Variants in GOT1L1 observed in about 807,000 individuals in gnomAD.
GOT1L1 encodes the protein aspartate aminotransferase, cytoplasmic 2.
In GOT1L1, 38 loss-of-function variants were observed where a neutral mutation model predicts 43.6. The observed-to-expected ratio is 0.87, with a 90% CI of 0.67 to 1.14. The LOEUF (loss-of-function observed/expected upper bound fraction) is 1.14. Among genes scored for constraint, GOT1L1 ranks in the 50% most tolerant of loss-of-function variants. GOT1L1 has a pLI of 0.00. For missense variants in GOT1L1, 482 were observed against 504.0 expected (o/e 0.96, Z 0.42); for synonymous variants, 183 against 187.2 (o/e 0.98, Z 0.18).
intron 1 of GOT1L1, 36 bp from the exon 2 acceptor site, chr8:37,938,917 T>C: frequency 1.2e-6 from 2 of 1,603,938 alleles, no homozygotes; most frequent in South Asian, 2.2e-5. Flanking sequence ...TCCAGATGCC[T>C]GGTTTGGGCC....
intron 1 of GOT1L1, among the ~76,000 whole-genome samples, chr8:37,939,635 A>G (rs1807872909): frequency 6.6e-6 from 1 of 151,680 alleles, no homozygotes; most frequent in South Asian, 2.1e-4. Flanking sequence ...AAGAATCTGA[A>G]GAAGTGTGGG....
chr8:37,939,878 AC>A, intron 1 of GOT1L1, 36 bp downstream of exon 1: 1 of 1,591,638 alleles, frequency 6.3e-7, no homozygotes, highest in Non-Finnish European at 8.6e-7. Flanking sequence ...AGTTACCATC[AC>A]TTAAGTCTTA....
At chr8:37,939,740 A>G (rs1212587286) in intron 1 of GOT1L1, among the ~76,000 whole-genome samples, 175 bp downstream of exon 1, 1 of 151,988 alleles carries the variant, frequency 6.6e-6, no homozygotes, top group African/African-American at 2.4e-5. Flanking sequence ...AGAGCATGGA[A>G]TGACCTGGGA....
Position 37,938,766 on chromosome 8 carries a change from T to A in GOT1L1, c.231A>T (p.Lys77Asn), listed in dbSNP as rs756619859. The A allele has an allele frequency of 1.2e-6, 2 of 1,610,840 alleles. No individual in the cohort carries two copies. The highest frequency in any genetic ancestry group is 4.5e-5 in the East Asian group (2 of 44,808). Residue 77 changes from lysine (K) to asparagine (N), a missense_variant, in exon 2 of 9, where the codon AAA becomes AAT. Lys to Asn is a moderately conservative substitution (Grantham distance 94). Transcript: ENST00000307599. ...NYEYLPTMGLKSFIQASLALL... is the reference protein window; with the variant it reads ...NYEYLPTMGLNSFIQASLALL... Reference sequence around the variant, plus strand: ...GTGCTAGAGAGGCCTGGATGAATGATTTCAGGCCCATGGTGGGCAAGTACT... The same window carrying A: ...GTGCTAGAGAGGCCTGGATGAATGAATTCAGGCCCATGGTGGGCAAGTACT...
intron 6 of GOT1L1, among the ~76,000 whole-genome samples, chr8:37,936,396 C>A (rs1271632573): frequency 6.6e-6 from 1 of 151,948 alleles, no homozygotes; most frequent in Non-Finnish European, 1.5e-5. Context: ...GATCACCTAA[C>A]CTTGACCTCC....
Position 37,937,638 on chromosome 8 carries a change from C to A in GOT1L1, c.409G>T (p.Glu137Ter), listed in dbSNP as rs751947593. ...RIVYIISSQKELHGLVFQDMG... is the reference protein window; with the variant it reads ...RIVYIISSQK ...TCCCCTCATCTTGGGTAAGACTAAC[C>A]TTTTTGAGAAGAGATGATGTAAACT... The change falls in exon 3 of 9, where the codon GAA becomes TAA. Residue 137 changes from glutamate to a stop codon, truncating the protein, a stop_gained and splice_region_variant. Transcript: ENST00000307599. LOFTEE classifies it high-confidence loss of function. The A allele has an allele frequency of 1.2e-6, 2 of 1,600,064 alleles. No homozygotes were observed. Among genetic ancestry groups the A allele is most frequent in the Non-Finnish European group, 8.5e-7 (1 of 1,170,618 alleles).
chr8:37,938,605 G>A, intron 2 of GOT1L1, 95 bp downstream of exon 2: 3 of 1,091,566 alleles, frequency 2.7e-6, no homozygotes, highest in African/African-American at 3.2e-5. Context: ...CAATACCAGG[G>A]GGCCCTCCGA....
chr8:37,937,389 G>A lies in GOT1L1; in HGVS notation c.410-3C>T, dbSNP rs773349377. On this transcript the variant is annotated splice_polypyrimidine_tract_variant and splice_region_variant and intron_variant, in intron 3 of 8. Coordinates refer to ENST00000307599, the MANE Select transcript of GOT1L1 (RefSeq NM_152413.3). ...CTGGAAGACGAGTCCATGCAGTTCT[G>A]TGGGAACACAGCCCCCCACTAGCTG... The A allele has an allele frequency of 6.4e-5, 100 of 1,570,234 alleles. 1 individual carries two copies. Among genetic ancestry groups the A allele is most frequent in the Admixed American group, 9.0e-5 (5 of 55,376 alleles).
At chr8:37,939,150 C>T (rs1045600233) in intron 1 of GOT1L1, among the ~76,000 whole-genome samples, 1 of 152,024 alleles carries the variant, frequency 6.6e-6, no homozygotes, top group Admixed American at 6.6e-5. Flanking sequence ...ATTGGTGGCT[C>T]AGGCCTGTAA....
rs770877517 is a variant in GOT1L1, at chr8:37,937,665, T to C, written c.382A>G (p.Ile128Val). The C allele has an allele frequency of 1.2e-6, 2 of 1,612,008 alleles. No individual in the cohort carries two copies. The highest frequency in any genetic ancestry group is 8.5e-7 in the Non-Finnish European group (1 of 1,178,924). The change falls in exon 3 of 9, where the codon ATA becomes GTA. Residue 128 changes from isoleucine (I) to valine (V), a missense_variant. Physicochemically the swap from Ile to Val is conservative, Grantham distance 29. Coordinates refer to ENST00000307599, the MANE Select transcript of GOT1L1 (RefSeq NM_152413.3). ...FLRAWHKDAR[I>V]VYIISSQKEL... ...TTTTGAGAAGAGATGATGTAAACTATACGAGCATCCTTATGCCAAGCTCTG... is the reference window on the plus strand; with the variant it reads ...TTTTGAGAAGAGATGATGTAAACTACACGAGCATCCTTATGCCAAGCTCTG...
At position 37,935,975 on chromosome 8, in the gene GOT1L1, A is replaced by C. The variant is rs1323177980; in HGVS notation, c.764-106T>G. On this transcript the variant is annotated intron_variant, in intron 6 of 8. Transcript: ENST00000307599. ...TTGCAGAAGAAAGGGTTGAACCACA[A>C]GGCCCTCATTGCAGCCCAGCCAGGG... 43 of 1,300,410 alleles carry C rather than the reference A, an allele frequency of 3.3e-5. No homozygotes were observed. In the East Asian group the frequency reaches 1.0e-3, roughly 32 times the overall value. The allele number at this position is 1,300,410 out of a possible 1,614,324, so 80.6% of individuals were successfully genotyped here.
rs568888757 is a variant in GOT1L1, at chr8:37,937,263, C to T, written c.519+14G>A. ...TCAGCTCTAGGGAGGAGTTTCTGAG[C>T]GGGGCCCCTCTACCTCCACCACATT... On this transcript the variant is annotated intron_variant, in intron 4 of 8. Coordinates refer to ENST00000307599, the MANE Select transcript of GOT1L1 (RefSeq NM_152413.3). 30 of 1,540,840 alleles carry T rather than the reference C, an allele frequency of 1.9e-5. No homozygotes were observed. The highest frequency in any genetic ancestry group is 9.8e-5 in the South Asian group (8 of 81,906).
chr8:37,937,431 G>C (rs1479214344), intron 3 of GOT1L1, 45 bp from the exon 4 acceptor site: 1 of 1,316,524 alleles, frequency 7.6e-7, no homozygotes. Context: ...GGGAAACAGA[G>C]AGACGGAGAC....
Position 37,934,402 on chromosome 8 carries a change from T to C in GOT1L1, c.1157A>G (p.Asn386Ser). Residue 386 changes from asparagine to serine, a missense_variant, in exon 9 of 9, where the codon AAC becomes AGC. By Grantham distance (46) the Asn-to-Ser change is conservative. Transcript: ENST00000307599. Reference protein sequence around the residue: ...GQINFSCINANNINYITEGIN... With the variant: ...GQINFSCINASNINYITEGIN... ...GCCCTCAGTGATGTAATTTATGTTG[T>C]TGGCATTGATACAGCTGAAGTTAAT... 6.2e-7 allele frequency: 1 copy of C among 1,613,610 alleles called. No homozygotes were observed. The highest frequency in any genetic ancestry group is 8.5e-7 in the Non-Finnish European group (1 of 1,179,526).
rs139008040 is a variant in GOT1L1, at chr8:37,938,946, A to C, written c.116-65T>G. The C allele has an allele frequency of 1.5e-5, 22 of 1,470,510 alleles. No individual in the cohort carries two copies. In the African/African-American group the frequency reaches 2.6e-4, roughly 18 times the overall value. The allele number at this position is 1,470,510 out of a possible 1,614,324, so 91.1% of individuals were successfully genotyped here. A position where few individuals can be genotyped will look rare whatever the true frequency, so the allele number is the denominator to read the frequency against. ...TTGGGCCCCCAGGGCTGAGCTCTGC[A>C]GACAGCCTGCAAACAAATCTCTCCT... On this transcript the variant is annotated intron_variant, in intron 1 of 8. Coordinates refer to ENST00000307599, the MANE Select transcript of GOT1L1 (RefSeq NM_152413.3).
Position 37,934,372 on chromosome 8 carries a change from T to C in GOT1L1, c.1187A>G (p.Asn396Ser), listed in dbSNP as rs376778815. Residue 396 changes from asparagine (N) to serine (S), a missense_variant, in exon 9 of 9, where the codon AAT becomes AGT. Physicochemically the swap from Asn to Ser is conservative, Grantham distance 46 (BLOSUM62 1). Transcript: ENST00000307599. ...GCTCTCTGTGAGGAGGACAGCCTCA[T>C]TGATGCCCTCAGTGATGTAATTTAT... Reference protein sequence around the residue: ...NNINYITEGINEAVLLTESSE... With the variant: ...NNINYITEGISEAVLLTESSE... The C allele has an allele frequency of 4.9e-5, 79 of 1,612,406 alleles. 2 individuals are homozygous for C. The highest frequency in any genetic ancestry group is 4.4e-4 in the African/African-American group (33 of 75,018).
At chr8:37,937,116 G>A in intron 4 of GOT1L1, 59 bp from the exon 5 acceptor site, 1 of 1,505,912 alleles carries the variant, frequency 6.6e-7, no homozygotes, top group South Asian at 1.1e-5. Flanking sequence ...CGGCCCCAGG[G>A]CATTTGGGGG....
chr8:37,939,431 AAT>A (rs1188997870), intron 1 of GOT1L1, among the ~76,000 whole-genome samples: 190 of 41,674 alleles, frequency 4.6e-3, no homozygotes, highest in Middle Eastern at 0.017. Context: ...AAAAAAAAAA[AAT>A]ATATATATAT....
At chr8:37,938,639 T>C in intron 2 of GOT1L1, 61 bp downstream of exon 2, 1 of 1,464,216 alleles carries the variant, frequency 6.8e-7, no homozygotes, top group East Asian at 2.5e-5. Flanking sequence ...TTTAAGGTTG[T>C]GCAGACCCAG....
Sources: allele counts gnomAD v4.1 joint callset (sites outside exome capture counted in the v4.1 genomes callset), GRCh38; gene constraint gnomAD v4.1.1; transcripts MANE v1.5; gene names NCBI Gene and HGNC (gene_info 2026-07-23, HGNC 2026-07-21).